CAMKK2: variants seen among roughly 807,000 people sequenced by gnomAD.
CAMKK2 encodes calcium/calmodulin-dependent protein kinase kinase 2.
CAMKK2 carries 30 observed loss-of-function variants against 67.2 expected under a neutral mutation model. The observed-to-expected ratio is 0.45, with a 90% CI of 0.33 to 0.61. The LOEUF (loss-of-function observed/expected upper bound fraction) is 0.61. CAMKK2 is among the 20% of genes least tolerant of loss of function. The probability of loss-of-function intolerance (pLI) is 0.02; values close to 1 mark genes in which losing one functional copy is unlikely to be tolerated. For missense variants in CAMKK2, 643 were observed against 802.0 expected (o/e 0.80, Z 2.39); for synonymous variants, 322 against 326.2 (o/e 0.99, Z 0.14).
At chr12:121,262,719 G>A (rs536297634) in intron 6 of CAMKK2, among the ~76,000 whole-genome samples, 3 of 151,856 alleles carry the variant, frequency 2.0e-5, no homozygotes, top group South Asian at 2.1e-4. Context: ...CCACCATACC[G>A]GGCTAATTTT....
chr12:121,289,620 C>A (rs1423922275), intron 1 of CAMKK2, among the ~76,000 whole-genome samples: 1 of 152,144 alleles, frequency 6.6e-6, no homozygotes, highest in Non-Finnish European at 1.5e-5. Context: ...AAGTTGGGAG[C>A]GATGGCTCAT....
chr12:121,247,798 C>T (rs1394232679), intron 14 of CAMKK2, among the ~76,000 whole-genome samples: 1 of 152,180 alleles, frequency 6.6e-6, no homozygotes, highest in Admixed American at 6.5e-5. Flanking sequence ...CACAGCTGGA[C>T]CTTCTGTGCC....
chr12:121,274,633 C>T, intron 1 of CAMKK2, 48 bp from the exon 2 acceptor site: 1 of 734,096 alleles, frequency 1.4e-6, no homozygotes, highest in Non-Finnish European at 2.2e-6. Context: ...CGGGCAGGGA[C>T]AGGAAAGGAT....
chr12:121,277,979 A>G (rs1276771939), intron 1 of CAMKK2, among the ~76,000 whole-genome samples: 1 of 152,152 alleles, frequency 6.6e-6, no homozygotes, highest in East Asian at 1.9e-4. Context: ...ATAAATAAAT[A>G]AATAAAAAGT....
chr12:121,257,701 G>A (rs1448805910), intron 7 of CAMKK2, among the ~76,000 whole-genome samples: 1 of 152,144 alleles, frequency 6.6e-6, no homozygotes, highest in Non-Finnish European at 1.5e-5. Flanking sequence ...CAACCAGTGT[G>A]AGTTAGGGCA....
At chr12:121,252,821 G>T in intron 10 of CAMKK2, 107 bp from the exon 11 acceptor site, 2 of 1,119,932 alleles carry the variant, frequency 1.8e-6, no homozygotes, top group Non-Finnish European at 2.6e-6. Flanking sequence ...TTGGAGTTGG[G>T]GCGGGACCAA....
rs1353439317 is a variant in CAMKK2, at chr12:121,257,447, C to T, written c.797-1643G>A. Among the ~76,000 whole-genome samples the T allele has an allele frequency of 6.6e-5, 10 of 152,054 alleles. No individual in the cohort carries two copies. In the East Asian group the frequency reaches 7.7e-4, roughly 12 times the overall value. On this transcript the variant is annotated intron_variant, in intron 7 of 16. Transcript: ENST00000404169. ...ATTTTTAGTAAAGATGGGGTTTCACCGTATTGGTCAGGCTGGTCTCGAACT... is the reference window on the plus strand; with the variant it reads ...ATTTTTAGTAAAGATGGGGTTTCACTGTATTGGTCAGGCTGGTCTCGAACT...
chr12:121,250,768 G>A (rs980733404), intron 11 of CAMKK2, among the ~76,000 whole-genome samples: 9 of 152,216 alleles, frequency 5.9e-5, no homozygotes, highest in Admixed American at 2.0e-4. Flanking sequence ...GCCTAGGAGC[G>A]TTCCTGCACA....
chr12:121,286,528 TGTTTG>T (rs367546012), intron 1 of CAMKK2, among the ~76,000 whole-genome samples: 9 of 152,252 alleles, frequency 5.9e-5, no homozygotes, highest in African/African-American at 1.7e-4. Context: ...GATACTGTTT[TGTTTG>T]GTTTGGTTTG....
At position 121,240,250 on chromosome 12, in the gene CAMKK2, C is replaced by G; in HGVS notation, c.*449G>C. On this transcript the variant is annotated 3_prime_UTR_variant, in exon 17 of 17. Transcript: ENST00000404169. The surrounding 1 kb of genome is among the most constrained non-coding windows in gnomAD (Gnocchi z 4.4). Reference sequence around the variant, plus strand: ...ATGGTTTCCGGTTTGCACTAGGAGCCACATCTAGCCCCCTACTCCCTCTCA... The same window carrying G: ...ATGGTTTCCGGTTTGCACTAGGAGCGACATCTAGCCCCCTACTCCCTCTCA... 1.6e-6 allele frequency: 1 copy of G among 624,096 alleles called. No individual in the cohort carries two copies. 38.7% of individuals were successfully genotyped at this position (624,096 alleles called of 1,614,324 possible). A position where few individuals can be genotyped will look rare whatever the true frequency, so the allele number is the denominator to read the frequency against.
At chr12:121,247,688 T>G (rs1192476388) in intron 14 of CAMKK2, among the ~76,000 whole-genome samples, 4 of 151,622 alleles carry the variant, frequency 2.6e-5, no homozygotes, top group Non-Finnish European at 4.4e-5. Context: ...AGGGCTCAGC[T>G]TTGGGAGGAG....
At chr12:121,259,194 C>T (rs939865591) in intron 7 of CAMKK2, among the ~76,000 whole-genome samples, 4 of 152,180 alleles carry the variant, frequency 2.6e-5, no homozygotes, top group African/African-American at 9.7e-5. Context: ...CCCTGCTGTT[C>T]TGCCCAAATG....
Position 121,245,312 on chromosome 12 carries a change from C to A in CAMKK2, c.1453-72G>T. The A allele has an allele frequency of 1.1e-6, 1 of 922,568 alleles. No homozygotes were observed. Among genetic ancestry groups the A allele is most frequent in the Non-Finnish European group, 1.7e-6 (1 of 574,708 alleles). 57.1% of individuals were successfully genotyped at this position (922,568 alleles called of 1,614,324 possible). A position where few individuals can be genotyped will look rare whatever the true frequency, so the allele number is the denominator to read the frequency against. The stretch of plus-strand genomic sequence containing the variant: ...TGGGGGCGATTCTGGGCAACATCCT[C>A]CCTCTTCCTTCTCCCCAGCCCCTGC... On this transcript the variant is annotated intron_variant, in intron 14 of 16. Coordinates refer to ENST00000404169, the MANE Select transcript of CAMKK2 (RefSeq NM_001270485.2). The surrounding 1 kb of genome is among the most constrained non-coding windows in gnomAD (Gnocchi z 5.8).
At chr12:121,260,638 T>C in intron 6 of CAMKK2, 1 of 529,122 alleles carries the variant, frequency 1.9e-6, no homozygotes, top group Non-Finnish European at 3.3e-6. Flanking sequence ...CCTGGAAATA[T>C]CTCATGCTTG....
Position 121,245,366 on chromosome 12 carries a change from G to A in CAMKK2, c.1453-126C>T, listed in dbSNP as rs577164915. 366 of 653,590 alleles carry A rather than the reference G, an allele frequency of 5.6e-4. 1 individual carries two copies. The African/African-American group carries it at 5.9e-3, about 11-fold the overall frequency. The allele number at this position is 653,590 out of a possible 1,614,324, so 40.5% of individuals were successfully genotyped here. Reference sequence around the variant, plus strand: ...CTCCCAGGGCTGGTGACCGATGGCAGACTTTGAGAGAAACTGGGCAGCACC... The same window carrying A: ...CTCCCAGGGCTGGTGACCGATGGCAAACTTTGAGAGAAACTGGGCAGCACC... On this transcript the variant is annotated intron_variant, in intron 14 of 16. Transcript: ENST00000404169. The surrounding 1 kb of genome is among the most constrained non-coding windows in gnomAD (Gnocchi z 5.8).
intron 1 of CAMKK2, among the ~76,000 whole-genome samples, chr12:121,289,338 C>T (rs558073290): frequency 6.6e-6 from 1 of 152,310 alleles, no homozygotes; most frequent in South Asian, 2.1e-4. Context: ...CCATTTGGAT[C>T]ACTAACGTCC....
chr12:121,258,194 T>C (rs1202240736), intron 7 of CAMKK2, among the ~76,000 whole-genome samples: 2 of 152,100 alleles, frequency 1.3e-5, no homozygotes, highest in East Asian at 3.9e-4. Context: ...CTGGCTAATT[T>C]TGTATTTTTA....
chr12:121,282,449 G>C (rs1167326258), intron 1 of CAMKK2, among the ~76,000 whole-genome samples: 1 of 152,168 alleles, frequency 6.6e-6, no homozygotes, highest in Non-Finnish European at 1.5e-5. Context: ...GGTCTTTACA[G>C]AGATTATGAA....
chr12:121,280,273 T>C (rs1566123130), intron 1 of CAMKK2, among the ~76,000 whole-genome samples: 1 of 152,224 alleles, frequency 6.6e-6, no homozygotes, highest in Admixed American at 6.5e-5. Flanking sequence ...TAAACATAAA[T>C]TGTAAAGATT....
Sources: allele counts gnomAD v4.1 joint callset (sites outside exome capture counted in the v4.1 genomes callset), GRCh38; gene constraint gnomAD v4.1.1; non-coding constraint Gnocchi (gnomAD v3.1); transcripts MANE v1.5; gene names NCBI Gene and HGNC (gene_info 2026-07-23, HGNC 2026-07-21).